GYPE: variants seen among roughly 807,000 people sequenced by gnomAD.
GYPE encodes the protein glycophorin E (MNS blood group).
In GYPE, 8 loss-of-function variants were observed where a neutral mutation model predicts 11.6. The observed-to-expected ratio is 0.69, with a 90% CI of 0.41 to 1.25. The LOEUF (loss-of-function observed/expected upper bound fraction) is 1.25. Among genes scored for constraint, GYPE ranks in the 50% most tolerant of loss-of-function variants. GYPE has a pLI of 0.01. For synonymous variants in GYPE, 28 were observed against 29.6 expected (o/e 0.94, Z 0.18); for missense variants, 90 against 92.8 (o/e 0.97, Z 0.12).
chr4:143,875,515 A>G, intron 3 of GYPE: 1 of 1,551,024 alleles, frequency 6.4e-7, no homozygotes, highest in African/African-American at 1.4e-5. Context: ...CATGCCTGTG[A>G]TAAAAAGACA....
At chr4:143,895,776 C>T (rs1229147226) in intron 1 of GYPE, among the ~76,000 whole-genome samples, 1 of 151,380 alleles carries the variant, frequency 6.6e-6, no homozygotes, top group Non-Finnish European at 1.5e-5. Flanking sequence ...GCTACAGTAA[C>T]CAAAACAGCA....
intron 1 of GYPE, among the ~76,000 whole-genome samples, chr4:143,904,717 G>A (rs1744996078): frequency 6.6e-6 from 1 of 152,098 alleles, no homozygotes; most frequent in African/African-American, 2.4e-5. Context: ...TGCCCCCTGT[G>A]TGCTGGGCAC....
chr4:143,893,601 T>A (rs1744498593), intron 1 of GYPE, among the ~76,000 whole-genome samples: 1 of 152,192 alleles, frequency 6.6e-6, no homozygotes, highest in South Asian at 2.1e-4. Context: ...AAATTCTGGA[T>A]TGAAAATTCT....
chr4:143,904,179 G>A (rs544721488), intron 1 of GYPE, among the ~76,000 whole-genome samples: 10 of 151,660 alleles, frequency 6.6e-5, no homozygotes, highest in South Asian at 2.1e-4. Context: ...AATCACATAC[G>A]TAGGTTTGTT....
chr4:143,875,443 G>A lies in GYPE; in HGVS notation c.*9+1303C>T, dbSNP rs867655980. 100 of 1,550,312 alleles carry A rather than the reference G, an allele frequency of 6.5e-5. 2 individuals carry two copies. The African/African-American group carries it at 9.0e-4, about 14-fold the overall frequency. ...TAGCAGGTGCAGCCAGTTTGCATAA[G>A]CAAGAGAACAGCAGGTGCAGCTGGT... On this transcript the variant is annotated intron_variant, in intron 3 of 3. Transcript: ENST00000358615.
intron 1 of GYPE, among the ~76,000 whole-genome samples, chr4:143,895,311 C>G (rs1285918099): frequency 6.6e-6 from 1 of 152,188 alleles, no homozygotes; most frequent in Non-Finnish European, 1.5e-5. Flanking sequence ...AGCAAAGTCT[C>G]AGGATAGAAA....
chr4:143,890,112 A>G (rs1355799007), intron 1 of GYPE, among the ~76,000 whole-genome samples: 1 of 152,204 alleles, frequency 6.6e-6, no homozygotes, highest in Non-Finnish European at 1.5e-5. Context: ...TATAAAGATG[A>G]TAATTCACCT....
At chr4:143,874,676 C>T (rs780882751) in intron 3 of GYPE, among the ~76,000 whole-genome samples, 1 of 152,118 alleles carries the variant, frequency 6.6e-6, no homozygotes, top group Non-Finnish European at 1.5e-5. Context: ...GGTGTGTACT[C>T]GAAGAGGAAA....
intron 1 of GYPE, among the ~76,000 whole-genome samples, chr4:143,884,106 C>T (rs34982900): frequency 0.49 from 67,642 of 138,754 alleles, 12,981 homozygotes; most frequent in East Asian, 0.67. Flanking sequence ...TCCCTTCCCT[C>T]TTGGGGCTCC....
At chr4:143,900,084 T>C (rs1274675310) in intron 1 of GYPE, among the ~76,000 whole-genome samples, 3 of 150,990 alleles carry the variant, frequency 2.0e-5, no homozygotes, top group African/African-American at 4.9e-5. Flanking sequence ...GAAAGAACTC[T>C]TACAACTTAG....
At chr4:143,894,282 G>C (rs765719231) in intron 1 of GYPE, among the ~76,000 whole-genome samples, 4 of 151,990 alleles carry the variant, frequency 2.6e-5, no homozygotes, top group Non-Finnish European at 4.4e-5. Flanking sequence ...GGAGTAGTTT[G>C]ATCGTCTGAA....
chr4:143,883,822 A>G (rs1043982443), intron 1 of GYPE, among the ~76,000 whole-genome samples: 23 of 152,094 alleles, frequency 1.5e-4, no homozygotes, highest in African/African-American at 5.1e-4. Flanking sequence ...TTTTGCTAAC[A>G]TAAGAAAAAA....
At position 143,902,625 on chromosome 4, in the gene GYPE, C is replaced by A. The variant is rs1202878762; in HGVS notation, c.37+2846G>T. Among the ~76,000 whole-genome samples the A allele has an allele frequency of 4.6e-5, 7 of 151,886 alleles. No individual in the cohort carries two copies. In the East Asian group the frequency reaches 1.4e-3, roughly 29 times the overall value. On this transcript the variant is annotated intron_variant, in intron 1 of 3. Transcript: ENST00000358615. ...TTTCCTTTTCCTTCTTCCTTTCTCT[C>A]CCTCTCTGCTTATCTCTCCTTCTCC...
chr4:143,903,754 A>C (rs1744955067), intron 1 of GYPE, among the ~76,000 whole-genome samples: 1 of 151,826 alleles, frequency 6.6e-6, no homozygotes, highest in Non-Finnish European at 1.5e-5. Flanking sequence ...CCTCTTTATT[A>C]AGTGCCATTT....
In GYPE at chr4:143,880,477, C is replaced by G. The variant is rs372252613; in HGVS notation, c.70G>C (p.Gly24Arg). Reference sequence around the variant, plus strand: ...GAGGTTGAAGTGTGCATTGCCACACCAGTGGTACTTGATGCTGATATGCTC... The same window carrying G: ...GAGGTTGAAGTGTGCATTGCCACACGAGTGGTACTTGATGCTGATATGCTC... Reference protein sequence around the residue: ...IVSISASSTTGVAMHTSTSSS... With the variant: ...IVSISASSTTRVAMHTSTSSS... Residue 24 changes from glycine to arginine, a missense_variant, in exon 2 of 4, where the codon GGT becomes CGT. Gly to Arg is a moderately radical substitution (Grantham distance 125, BLOSUM62 -2). Transcript: ENST00000358615. 6.8e-6 allele frequency: 11 copies of G among 1,613,888 alleles called. No homozygotes were observed. The African/African-American group carries it at 1.2e-4, about 18-fold the overall frequency.
Position 143,903,469 on chromosome 4 carries a change from T to C in GYPE, c.37+2002A>G, listed in dbSNP as rs2590030. Among the ~76,000 whole-genome samples the C allele has an allele frequency of 2.9e-5, 4 of 137,536 alleles. 1 individual carries two copies. In the South Asian group the frequency reaches 7.1e-4, roughly 24 times the overall value. The allele number at this position is 137,536 out of a possible 152,430, so 90.2% of individuals were successfully genotyped here. A position where few individuals can be genotyped will look rare whatever the true frequency, so the allele number is the denominator to read the frequency against. On this transcript the variant is annotated intron_variant, in intron 1 of 3. Transcript: ENST00000358615. The stretch of plus-strand genomic sequence containing the variant: ...CTGGTAAGTTTAGAATTAGAAATAT[T>C]GGCTTTATTCTTAAGATTCCTGGAG...
At chr4:143,903,179 T>C (rs1744930223) in intron 1 of GYPE, among the ~76,000 whole-genome samples, 1 of 152,056 alleles carries the variant, frequency 6.6e-6, no homozygotes. Flanking sequence ...CCTGGTTTTA[T>C]ATGCTTTGTA....
chr4:143,904,031 A>G (rs141809352), intron 1 of GYPE, among the ~76,000 whole-genome samples: 2 of 152,258 alleles, frequency 1.3e-5, no homozygotes, highest in East Asian at 3.9e-4. Context: ...TACAAATATT[A>G]CACTACATCC....
At chr4:143,889,918 G>T (rs112432245) in intron 1 of GYPE, among the ~76,000 whole-genome samples, 2,168 of 152,290 alleles carry the variant, frequency 0.014, 55 homozygotes, top group African/African-American at 0.05. Flanking sequence ...GGCAGAGCTG[G>T]ATTTTGAATT....
Sources: allele counts gnomAD v4.1 joint callset (sites outside exome capture counted in the v4.1 genomes callset), GRCh38; gene constraint gnomAD v4.1.1; transcripts MANE v1.5; gene names NCBI Gene and HGNC (gene_info 2026-07-23, HGNC 2026-07-21).